The following KLRG1 variants were observed in gnomAD, a reference collection of about 807,000 sequenced individuals.
KLRG1 encodes killer cell lectin like receptor G1, also known as killer cell lectin-like receptor subfamily G member 1.
A neutral mutation model predicts 21.8 loss-of-function variants in KLRG1; 16 were observed. The ratio of observed to expected loss-of-function variants is 0.73; its 90% CI spans 0.50 to 1.11. The LOEUF (loss-of-function observed/expected upper bound fraction) is 1.11. Ranked by LOEUF, KLRG1 falls within the 50% of genes most tolerant of loss-of-function variation. The probability of loss-of-function intolerance (pLI) is 0.00; values close to 1 mark genes in which losing one functional copy is unlikely to be tolerated. For missense variants in KLRG1, 173 were observed against 218.3 expected (o/e 0.79, Z 1.31); for synonymous variants, 69 against 75.9 (o/e 0.91, Z 0.47).
At chr12:9,149,680 T>G in the KLRG1 span, 1 of 1,444,098 alleles carries the variant, frequency 6.9e-7, no homozygotes, top group East Asian at 2.3e-5. Flanking sequence ...CTAGTCACTT[T>G]ACTACTGGAG....
At chr12:9,207,298 A>T in the KLRG1 span, among the ~76,000 whole-genome samples, 4 of 152,166 alleles carry the variant, frequency 2.6e-5, no homozygotes, top group East Asian at 7.7e-4. Flanking sequence ...GAGAGGTAGA[A>T]GTTTAACCTC....
At chr12:9,159,283 A>G in the KLRG1 span, among the ~76,000 whole-genome samples, 1 of 152,080 alleles carries the variant, frequency 6.6e-6, no homozygotes, top group Non-Finnish European at 1.5e-5. Context: ...AGTGTTCTCA[A>G]TTTTGCCACT....
the KLRG1 span, among the ~76,000 whole-genome samples, chr12:9,052,383 C>T: frequency 1.3e-5 from 2 of 152,184 alleles, no homozygotes; most frequent in East Asian, 1.9e-4. Flanking sequence ...AAATTCAAAT[C>T]GTGAGCAGCA....
At chr12:9,161,502 T>G in the KLRG1 span, among the ~76,000 whole-genome samples, 2 of 152,196 alleles carry the variant, frequency 1.3e-5, no homozygotes, top group Non-Finnish European at 2.9e-5. Context: ...CTCTTCTCAT[T>G]TAACTATATT....
the KLRG1 span, chr12:9,110,267 T>G: frequency 7.2e-7 from 1 of 1,382,922 alleles, no homozygotes; most frequent in African/African-American, 1.5e-5. Flanking sequence ...ACATTTTCCC[T>G]ATATGTATTG....
In KLRG1 at chr12:8,992,070, A is replaced by G. The variant is rs1194922456; in HGVS notation, c.83-136A>G. 7.6e-6 allele frequency: 5 copies of G among 659,838 alleles called. No individual in the cohort carries two copies. The South Asian group carries it at 7.9e-5, about 10-fold the overall frequency. 40.9% of individuals were successfully genotyped at this position (659,838 alleles called of 1,614,324 possible). A position where few individuals can be genotyped will look rare whatever the true frequency, so the allele number is the denominator to read the frequency against. On this transcript the variant is annotated intron_variant, in intron 1 of 4. Transcript: ENST00000356986. Reference sequence around the variant, plus strand: ...TAGAGCAAGTTCCTGACACATCTAGAAAAGGAATCTTTATGGCCTGGATCT... The same window carrying G: ...TAGAGCAAGTTCCTGACACATCTAGGAAAGGAATCTTTATGGCCTGGATCT...
chr12:9,150,509 T>A, the KLRG1 span: 2 of 610,560 alleles, frequency 3.3e-6, no homozygotes, highest in Non-Finnish European at 5.6e-6. Context: ...TAGTAAGTCG[T>A]TTTTATAGTG....
chr12:9,086,514 TACATTTACAGAATG>T, the KLRG1 span, among the ~76,000 whole-genome samples: 1 of 152,224 alleles, frequency 6.6e-6, no homozygotes, highest in African/African-American at 2.4e-5. Flanking sequence ...TGTGATACAT[TACATTTACAGAATG>T]AAGGGTAAAA....
intron 3 of KLRG1, among the ~76,000 whole-genome samples, chr12:9,002,350 G>A (rs1473671005): frequency 6.6e-6 from 1 of 151,944 alleles, no homozygotes; most frequent in Non-Finnish European, 1.5e-5. Flanking sequence ...GTATGTGGAA[G>A]GTATAAATGT....
chr12:9,192,377 ACT>A, the KLRG1 span: 1 of 1,283,846 alleles, frequency 7.8e-7, no homozygotes. Context: ...CCTCAAGAAA[ACT>A]CATGGAATGA....
At chr12:9,004,213 A>C (rs1947397756) in intron 3 of KLRG1, among the ~76,000 whole-genome samples, 1 of 152,246 alleles carries the variant, frequency 6.6e-6, no homozygotes, top group Non-Finnish European at 1.5e-5. Context: ...CTTTGGGAAT[A>C]TACCCAGTAA....
chr12:9,212,236 G>A, the KLRG1 span, among the ~76,000 whole-genome samples: 4 of 152,216 alleles, frequency 2.6e-5, no homozygotes, highest in Non-Finnish European at 5.9e-5. Context: ...TGAGTGGGCA[G>A]GCCTGCTCTC....
the KLRG1 span, among the ~76,000 whole-genome samples, chr12:9,084,861 A>G: frequency 6.6e-6 from 1 of 152,140 alleles, no homozygotes; most frequent in African/African-American, 2.4e-5. Context: ...ATGGGGACTA[A>G]AAGAGAGCAG....
the KLRG1 span, among the ~76,000 whole-genome samples, chr12:9,208,808 C>A: frequency 7.2e-5 from 11 of 152,058 alleles, no homozygotes; most frequent in East Asian, 2.1e-3. Flanking sequence ...TCTTTTTTAG[C>A]AGTTGATTGA....
the KLRG1 span, chr12:9,160,409 A>G: frequency 6.2e-7 from 1 of 1,614,122 alleles, no homozygotes. Flanking sequence ...AGGAGCAAAT[A>G]GGACCATGTT....
At chr12:9,173,416 G>A in the KLRG1 span, among the ~76,000 whole-genome samples, 1,377 of 152,086 alleles carry the variant, frequency 9.1e-3, 17 homozygotes, top group African/African-American at 0.031. Flanking sequence ...TAAAAGGACT[G>A]TAGAACCAAG....
the KLRG1 span, among the ~76,000 whole-genome samples, chr12:9,075,700 CAT>C: frequency 2.8e-3 from 425 of 152,254 alleles, 2 homozygotes; most frequent in African/African-American, 9.8e-3. Flanking sequence ...AGATGAAACA[CAT>C]GTGAAGATTC....
chr12:9,153,779 C>G, the KLRG1 span, among the ~76,000 whole-genome samples: 1 of 151,968 alleles, frequency 6.6e-6, no homozygotes. Context: ...TTTTATTTAC[C>G]CCACCTAATC....
At chr12:9,137,315 C>A in the KLRG1 span, among the ~76,000 whole-genome samples, 1 of 152,006 alleles carries the variant, frequency 6.6e-6, no homozygotes, top group African/African-American at 2.4e-5. Context: ...TTCTTGGTAC[C>A]CTTGTCAAAG....
Sources: allele counts gnomAD v4.1 joint callset (sites outside exome capture counted in the v4.1 genomes callset), GRCh38; gene constraint gnomAD v4.1.1; transcripts MANE v1.5; gene names NCBI Gene and HGNC (gene_info 2026-07-23, HGNC 2026-07-21).